The following CNTN5 variants were observed in gnomAD, a reference collection of about 807,000 sequenced individuals.
The protein encoded by CNTN5 is contactin-5.
A neutral mutation model predicts 129.1 loss-of-function variants in CNTN5; 77 were observed. The observed-to-expected ratio is 0.60, with a 90% CI of 0.50 to 0.72. The LOEUF is 0.72. Among genes scored for constraint, CNTN5 ranks in the 30% least tolerant of loss-of-function variants. The pLI, the probability that CNTN5 is intolerant of heterozygous loss-of-function variation, is 0.00. For synonymous variants in CNTN5, 509 were observed against 465.6 expected (o/e 1.09, Z -1.20); for missense variants, 1,478 against 1,328.8 (o/e 1.11, Z -1.75).
At chr11:99,035,356 T>C (rs1166937266) in intron 1 of CNTN5, among the ~76,000 whole-genome samples, 3 of 152,108 alleles carry the variant, frequency 2.0e-5, no homozygotes, top group Non-Finnish European at 4.4e-5. Context: ...ATCTGTCTAA[T>C]GCTGACAGTG....
intron 20 of CNTN5, among the ~76,000 whole-genome samples, chr11:100,302,340 C>G (rs904702632): frequency 1.3e-5 from 2 of 151,566 alleles, no homozygotes; most frequent in African/African-American, 4.8e-5. Flanking sequence ...CACAGTGTGT[C>G]TTTTATCATT....
chr11:99,889,034 C>T (rs1023416433), intron 6 of CNTN5, among the ~76,000 whole-genome samples: 5 of 152,116 alleles, frequency 3.3e-5, no homozygotes, highest in African/African-American at 1.2e-4. Context: ...CCATCATCAT[C>T]ATCATCATAA....
At chr11:99,994,850 C>G (rs755761289) in intron 8 of CNTN5, among the ~76,000 whole-genome samples, 1 of 152,112 alleles carries the variant, frequency 6.6e-6, no homozygotes, top group Non-Finnish European at 1.5e-5. Flanking sequence ...GTATCACCAG[C>G]AGACCACATC....
intron 1 of CNTN5, among the ~76,000 whole-genome samples, chr11:99,023,072 A>G (rs956448609): frequency 2.6e-5 from 4 of 152,240 alleles, no homozygotes; most frequent in African/African-American, 9.6e-5. Context: ...AAAAAGCTAC[A>G]GTTGTGGAAT....
At chr11:99,262,600 C>CT (rs56941843) in intron 1 of CNTN5, among the ~76,000 whole-genome samples, 87 of 144,790 alleles carry the variant, frequency 6.0e-4, no homozygotes, top group Middle Eastern at 3.6e-3. Flanking sequence ...TTCTTTGTTT[C>CT]TTTTTTTTTT....
chr11:99,069,733 G>T (rs1865259030), intron 1 of CNTN5, among the ~76,000 whole-genome samples: 1 of 152,070 alleles, frequency 6.6e-6, no homozygotes, highest in African/African-American at 2.4e-5. Flanking sequence ...GCTTGAAAAT[G>T]GCCTGTTGCT....
chr11:99,142,684 T>C (rs1489498666), intron 1 of CNTN5, among the ~76,000 whole-genome samples: 1 of 152,078 alleles, frequency 6.6e-6, no homozygotes, highest in Non-Finnish European at 1.5e-5. Context: ...AAGGAGCATG[T>C]TGAGCCTTGG....
In CNTN5 at chr11:99,632,205, T is replaced by C. The variant is rs1041045832; in HGVS notation, c.55+75936T>C. Among the ~76,000 whole-genome samples the C allele has an allele frequency of 3.3e-5, 5 of 150,454 alleles. 1 individual carries two copies. Among genetic ancestry groups the C allele is most frequent in the African/African-American group, 1.2e-4 (5 of 41,432 alleles). On this transcript the variant is annotated intron_variant, in intron 3 of 24. Coordinates refer to ENST00000524871, the MANE Select transcript of CNTN5 (RefSeq NM_014361.4). The stretch of plus-strand genomic sequence containing the variant: ...CTTACAATTTAGTGCTAAAATGTAA[T>C]AATGTACAAATATGTACATGTAATC...
At chr11:100,110,589 GAGA>G (rs1945622977) in intron 13 of CNTN5, among the ~76,000 whole-genome samples, 6 of 152,166 alleles carry the variant, frequency 3.9e-5, no homozygotes, top group Non-Finnish European at 7.3e-5. Context: ...ACCATATAAT[GAGA>G]ATAAGGTACC....
At chr11:99,668,013 TA>T (rs1442502664) in intron 3 of CNTN5, among the ~76,000 whole-genome samples, 1 of 152,194 alleles carries the variant, frequency 6.6e-6, no homozygotes, top group Non-Finnish European at 1.5e-5. Context: ...TTGCTTAATG[TA>T]AAAATTATGA....
At chr11:99,431,473 C>T (rs1274738150) in intron 2 of CNTN5, among the ~76,000 whole-genome samples, 1 of 152,114 alleles carries the variant, frequency 6.6e-6, no homozygotes, top group East Asian at 1.9e-4. Flanking sequence ...AGGAATTGTA[C>T]ATCAAAATAA....
At chr11:99,509,507 C>G (rs1235867447) in intron 2 of CNTN5, among the ~76,000 whole-genome samples, 1 of 151,754 alleles carries the variant, frequency 6.6e-6, no homozygotes, top group African/African-American at 2.4e-5. Flanking sequence ...AGAGAAAGAG[C>G]AAAAAGGGAA....
At chr11:99,256,867 T>C (rs2135810548) in intron 1 of CNTN5, among the ~76,000 whole-genome samples, 1 of 152,184 alleles carries the variant, frequency 6.6e-6, no homozygotes, top group African/African-American at 2.4e-5. Flanking sequence ...ACATGAACTC[T>C]CCTTCAAAAT....
intron 16 of CNTN5, 133 bp from the exon 17 acceptor site, chr11:100,255,627 C>T: frequency 2.7e-6 from 2 of 745,228 alleles, no homozygotes; most frequent in Admixed American, 3.2e-5. Flanking sequence ...TTTTTGTTGT[C>T]AATTTTAATT....
chr11:99,464,286 G>A (rs1482644214), intron 2 of CNTN5, among the ~76,000 whole-genome samples: 2 of 152,116 alleles, frequency 1.3e-5, no homozygotes, highest in African/African-American at 4.8e-5. Flanking sequence ...TTCCATCCAG[G>A]GGAATTGGGG....
At chr11:99,825,210 T>G (rs950986081) in intron 4 of CNTN5, among the ~76,000 whole-genome samples, 1 of 151,988 alleles carries the variant, frequency 6.6e-6, no homozygotes, top group Non-Finnish European at 1.5e-5. Context: ...TTTAATTTCT[T>G]TAGGATGTTT....
intron 3 of CNTN5, among the ~76,000 whole-genome samples, chr11:99,751,827 C>A (rs2135222517): frequency 6.6e-6 from 1 of 152,280 alleles, no homozygotes; most frequent in South Asian, 2.1e-4. Context: ...GGGGTCTTTA[C>A]AAGCTGATTA....
intron 1 of CNTN5, among the ~76,000 whole-genome samples, chr11:99,074,034 A>G (rs541871930): frequency 1.3e-5 from 2 of 152,240 alleles, no homozygotes; most frequent in South Asian, 2.1e-4. Flanking sequence ...CCTCATCAAC[A>G]TCTGTTTGTT....
chr11:99,769,480 C>A (rs1316813582), intron 3 of CNTN5, among the ~76,000 whole-genome samples: 1 of 152,094 alleles, frequency 6.6e-6, no homozygotes, highest in African/African-American at 2.4e-5. Flanking sequence ...CACTCTATAA[C>A]TTGATCTCCC....
Sources: allele counts gnomAD v4.1 joint callset (sites outside exome capture counted in the v4.1 genomes callset), GRCh38; gene constraint gnomAD v4.1.1; transcripts MANE v1.5; gene names NCBI Gene and HGNC (gene_info 2026-07-23, HGNC 2026-07-21).